The following TMCO4 variants were observed in gnomAD, a reference collection of about 807,000 sequenced individuals.
The protein encoded by TMCO4 is transmembrane and coiled-coil domains 4.
TMCO4 carries 58 observed loss-of-function variants against 64.7 expected under a neutral mutation model. The ratio of observed to expected loss-of-function variants is 0.90; its 90% confidence interval spans 0.73 to 1.12. The LOEUF (loss-of-function observed/expected upper bound fraction) is 1.12, where lower values mean the gene tolerates loss of function less well. TMCO4 is among the 50% of genes most tolerant of loss of function. The pLI is 0.00. For missense variants in TMCO4, 780 were observed against 825.9 expected (o/e 0.94, Z 0.68); for synonymous variants, 325 against 346.1 (o/e 0.94, Z 0.68).
chr1:19,719,473 A>G (rs1427964518), intron 13 of TMCO4, among the ~76,000 whole-genome samples: 1 of 152,204 alleles, frequency 6.6e-6, no homozygotes, highest in Non-Finnish European at 1.5e-5. Context: ...AACAGTAACA[A>G]AACAGTGGCT....
intron 13 of TMCO4, among the ~76,000 whole-genome samples, chr1:19,703,203 C>T (rs933804752): frequency 1.3e-5 from 2 of 152,216 alleles, no homozygotes; most frequent in Non-Finnish European, 2.9e-5. Flanking sequence ...ACATCAGGTT[C>T]AAATCCCAGC....
chr1:19,690,418 GT>G (rs1205933470), intron 15 of TMCO4, among the ~76,000 whole-genome samples: 1 of 152,248 alleles, frequency 6.6e-6, no homozygotes, highest in Non-Finnish European at 1.5e-5. Flanking sequence ...CTTCAGGGTT[GT>G]GGGTACCCCT....
chr1:19,726,952 G>A (rs1570777169), intron 13 of TMCO4, among the ~76,000 whole-genome samples: 1 of 152,250 alleles, frequency 6.6e-6, no homozygotes, highest in East Asian at 1.9e-4. Context: ...CCTGTGGGGT[G>A]CATCTGAACA....
Position 19,785,294 on chromosome 1 carries a change from C to T in TMCO4, c.-9+1732G>A, listed in dbSNP as rs75912332. On this transcript the variant is annotated intron_variant, in intron 3 of 15. Coordinates refer to ENST00000294543, the MANE Select transcript of TMCO4 (RefSeq NM_181719.7). ...CAATTACTTTGCACCAACCTAATAT[C>T]TTTGTCTTCTATCTCAGCACCCTGT... 9.5e-3 allele frequency among the ~76,000 whole-genome samples: 1,447 copies of T among 152,342 alleles called. 28 individuals carry two copies. The highest frequency in any genetic ancestry group is 0.033 in the African/African-American group (1,382 of 41,572).
intron 3 of TMCO4, among the ~76,000 whole-genome samples, chr1:19,782,260 A>C (rs2043526875): frequency 6.6e-6 from 1 of 152,196 alleles, no homozygotes; most frequent in African/African-American, 2.4e-5. Flanking sequence ...AATGAATCTC[A>C]GACAAAATGA....
rs192776415 is a variant in TMCO4, at chr1:19,797,020, C to A, written c.-101+1117G>T. Among the ~76,000 whole-genome samples the A allele has an allele frequency of 7.2e-4, 110 of 152,338 alleles. 1 individual carries two copies. Among genetic ancestry groups the A allele is most frequent in the Non-Finnish European group, 9.8e-4 (67 of 68,034 alleles). ...CATCCTAGGACAGCACCTGGCAGAG[C>A]AGGGGTTCAATCCCTGTGTGCTGAA... On this transcript the variant is annotated intron_variant, in intron 2 of 15. Coordinates refer to ENST00000294543, the MANE Select transcript of TMCO4 (RefSeq NM_181719.7).
chr1:19,700,670 G>A lies in TMCO4; in HGVS notation c.1382+98C>T. ...GGTTCCTGGGATCTTCCAGGACAGGGATTAGGTCTCAAATATGTGTCCCCA... is the reference window on the plus strand; with the variant it reads ...GGTTCCTGGGATCTTCCAGGACAGGAATTAGGTCTCAAATATGTGTCCCCA... On this transcript the variant is annotated intron_variant, in intron 14 of 15. Transcript: ENST00000294543. The A allele has an allele frequency of 6.3e-6, 7 of 1,115,302 alleles. No homozygotes were observed. In the South Asian group the frequency reaches 9.9e-5, roughly 16 times the overall value. The allele number at this position is 1,115,302 out of a possible 1,614,324, so 69.1% of individuals were successfully genotyped here. A position where few individuals can be genotyped will look rare whatever the true frequency, so the allele number is the denominator to read the frequency against.
intron 6 of TMCO4, among the ~76,000 whole-genome samples, chr1:19,759,549 G>C (rs866618039): frequency 6.6e-6 from 1 of 152,092 alleles, no homozygotes; most frequent in Admixed American, 6.6e-5. Flanking sequence ...CCTTCTACCC[G>C]GCCCTGCTTC....
intron 2 of TMCO4, among the ~76,000 whole-genome samples, chr1:19,789,946 G>A (rs903000187): frequency 6.6e-6 from 1 of 151,628 alleles, no homozygotes; most frequent in Non-Finnish European, 1.5e-5. Flanking sequence ...CCAGCTACTC[G>A]GGAGGGTGAG....
chr1:19,725,828 G>T (rs935412308), intron 13 of TMCO4, among the ~76,000 whole-genome samples: 1 of 152,162 alleles, frequency 6.6e-6, no homozygotes, highest in Non-Finnish European at 1.5e-5. Flanking sequence ...GATCAAGCCC[G>T]ATGGACAGTC....
chr1:19,788,499 T>C (rs2043853902), intron 2 of TMCO4, among the ~76,000 whole-genome samples: 1 of 152,164 alleles, frequency 6.6e-6, no homozygotes, highest in African/African-American at 2.4e-5. Flanking sequence ...ATGATTTTAA[T>C]TTTTTTATAT....
chr1:19,758,108 T>C (rs544293302), intron 6 of TMCO4, among the ~76,000 whole-genome samples: 1 of 152,306 alleles, frequency 6.6e-6, no homozygotes, highest in East Asian at 1.9e-4. Flanking sequence ...CATGTTTCCA[T>C]GTGAGGGACC....
chr1:19,736,522 A>G (rs972700372), intron 13 of TMCO4, among the ~76,000 whole-genome samples: 3 of 151,916 alleles, frequency 2.0e-5, no homozygotes, highest in Non-Finnish European at 4.4e-5. Context: ...GCTACCTTCC[A>G]CTGAGAGGAG....
intron 7 of TMCO4, among the ~76,000 whole-genome samples, chr1:19,751,990 G>A (rs1280672958): frequency 6.6e-6 from 1 of 151,412 alleles, no homozygotes; most frequent in African/African-American, 2.4e-5. Context: ...GGAGCTTGCA[G>A]TGAGCCGAGA....
At chr1:19,698,133 G>A (rs918536180) in intron 14 of TMCO4, among the ~76,000 whole-genome samples, 12 of 152,202 alleles carry the variant, frequency 7.9e-5, no homozygotes, top group Admixed American at 2.0e-4. Flanking sequence ...CAAGCCCCAG[G>A]CTGAACAACT....
chr1:19,739,876 C>G lies in TMCO4; in HGVS notation c.1127G>C (p.Arg376Pro), dbSNP rs574581882. Residue 376 changes from arginine (R) to proline (P), a missense_variant, in exon 12 of 16, where the codon CGA becomes CCA. Coordinates refer to ENST00000294543, the MANE Select transcript of TMCO4 (RefSeq NM_181719.7). The part of the protein sequence containing the change: ...IDNPWGVCLH[R>P]SAEVGKHLAH... The stretch of plus-strand genomic sequence containing the variant: ...CAGGTGCTTGCCAACCTCTGCTGAT[C>G]GATGGAGACACACCCCCCAGGGGTT... The G allele has an allele frequency of 9.3e-6, 15 of 1,613,966 alleles. No individual in the cohort carries two copies. In the South Asian group the frequency reaches 1.3e-4, roughly 14 times the overall value.
Position 19,771,497 on chromosome 1 carries a change from T to A in TMCO4, c.180-15A>T. ...TGCAGAAGGAGCTGAAAGGCAGACA[T>A]GGCTTAGTTCTCCAGGATCCTCAGA... On this transcript the variant is annotated splice_polypyrimidine_tract_variant and intron_variant, in intron 4 of 15. Transcript: ENST00000294543. 1 of 1,612,230 alleles carries A rather than the reference T, an allele frequency of 6.2e-7. No homozygotes were observed. Among genetic ancestry groups the A allele is most frequent in the Non-Finnish European group, 8.5e-7 (1 of 1,179,462 alleles).
chr1:19,740,647 C>T (rs2095474991), intron 11 of TMCO4, 130 bp downstream of exon 11: 1 of 1,075,034 alleles, frequency 9.3e-7, no homozygotes, highest in Middle Eastern at 2.1e-4. Flanking sequence ...GCGGCCTTAA[C>T]CTCTCTGTGT....
intron 15 of TMCO4, among the ~76,000 whole-genome samples, chr1:19,684,533 G>A (rs541502660): frequency 6.6e-5 from 10 of 152,222 alleles, no homozygotes; most frequent in African/African-American, 1.4e-4. Context: ...AACTTCCTCC[G>A]CTGTAAAAAG....
Sources: allele counts gnomAD v4.1 joint callset (sites outside exome capture counted in the v4.1 genomes callset), GRCh38; gene constraint gnomAD v4.1.1; transcripts MANE v1.5; gene names NCBI Gene and HGNC (gene_info 2026-07-23, HGNC 2026-07-21).